SEC23B: variants seen among roughly 807,000 people sequenced by gnomAD.
SEC23B encodes the protein protein transport protein Sec23B.
In SEC23B, 77 loss-of-function variants were observed where a neutral mutation model predicts 104.3. The observed-to-expected ratio is 0.74, with a 90% CI of 0.61 to 0.89. The LOEUF is 0.89. Among genes scored for constraint, SEC23B ranks in the 40% least tolerant of loss-of-function variants. The probability of loss-of-function intolerance (pLI) is 0.00; values close to 1 mark genes in which losing one functional copy is unlikely to be tolerated. For missense variants in SEC23B, 885 were observed against 949.4 expected (o/e 0.93, Z 0.89); for synonymous variants, 338 against 332.5 (o/e 1.02, Z -0.18).
rs531282891 is a variant in SEC23B, at chr20:18,537,304, G to A, written c.1404+1562G>A. Among the ~76,000 whole-genome samples, 22 of 152,040 alleles carry A rather than the reference G, an allele frequency of 1.4e-4. No homozygotes were observed. The South Asian group carries it at 4.2e-3, about 29-fold the overall frequency. On this transcript the variant is annotated intron_variant, in intron 12 of 19. Transcript: ENST00000650089. ...ACACATGCACACGTATGTTTATTGT[G>A]GCTCTATTCACAATAGTAAAGACTT...
intron 12 of SEC23B, among the ~76,000 whole-genome samples, chr20:18,536,890 G>A (rs141109177): frequency 4.1e-4 from 63 of 152,314 alleles, no homozygotes; most frequent in African/African-American, 1.5e-3. Flanking sequence ...GGGAAGGAAA[G>A]TGTATTTACT....
At chr20:18,516,004 A>G (rs1395650742) in intron 4 of SEC23B, 11 of 434,054 alleles carry the variant, frequency 2.5e-5, no homozygotes, top group Admixed American at 7.0e-5. Flanking sequence ...TCCATCATCT[A>G]GTTGTTTAGC....
At chr20:18,525,355 C>T (rs1463096168) in intron 6 of SEC23B, among the ~76,000 whole-genome samples, 1 of 152,136 alleles carries the variant, frequency 6.6e-6, no homozygotes, top group East Asian at 1.9e-4. Flanking sequence ...CTAACAAGCT[C>T]GATAAAATGC....
At chr20:18,512,161 A>G in intron 2 of SEC23B, 64 bp from the exon 3 acceptor site, 1 of 1,055,566 alleles carries the variant, frequency 9.5e-7, no homozygotes. Context: ...TTCTACCTTA[A>G]AAATAAAAAT....
At position 18,515,727 on chromosome 20, in the gene SEC23B, C is replaced by T. The variant is rs142369282; in HGVS notation, c.357C>T (p.Tyr119=). ...TGCCCCAGTTTTCTACAATTGAGTACGTGATACAGGTAATTTCTTTGTTGT... is the reference window on the plus strand; with the variant it reads ...TGCCCCAGTTTTCTACAATTGAGTATGTGATACAGGTAATTTCTTTGTTGT... ...ELMPQFSTIE[Y]VIQRGAQSPL... The change falls in exon 4 of 20, where the codon TAC becomes TAT. Residue 119 remains tyrosine, a synonymous_variant. Coordinates refer to ENST00000650089, the MANE Select transcript of SEC23B (RefSeq NM_006363.6). 12 of 1,584,622 alleles carry T rather than the reference C, an allele frequency of 7.6e-6. No individual in the cohort carries two copies. Among genetic ancestry groups the T allele is most frequent in the African/African-American group, 4.0e-5 (3 of 74,434 alleles).
chr20:18,522,540 G>T (rs1319803890), intron 4 of SEC23B, among the ~76,000 whole-genome samples: 2 of 152,210 alleles, frequency 1.3e-5, no homozygotes, highest in Non-Finnish European at 2.9e-5. Context: ...GGGCTAGTTG[G>T]TCCGAGGACC....
intron 11 of SEC23B, among the ~76,000 whole-genome samples, chr20:18,533,090 C>T (rs904274837): frequency 1.3e-5 from 2 of 152,198 alleles, no homozygotes; most frequent in African/African-American, 2.4e-5. Flanking sequence ...TCAGCACAGT[C>T]CTTCCAGAGT....
At chr20:18,548,516 T>C in intron 15 of SEC23B, 93 bp from the exon 16 acceptor site, 1 of 1,278,898 alleles carries the variant, frequency 7.8e-7, no homozygotes. Context: ...TTCTGGGTTC[T>C]CCTATTTCAG....
chr20:18,551,301 T>A, intron 17 of SEC23B, 126 bp downstream of exon 17: 1 of 633,330 alleles, frequency 1.6e-6, no homozygotes, highest in Non-Finnish European at 2.7e-6. Flanking sequence ...CTTCTCTTAT[T>A]TATTAAGTTA....
intron 12 of SEC23B, among the ~76,000 whole-genome samples, chr20:18,538,695 C>T (rs2060259464): frequency 6.6e-6 from 1 of 152,190 alleles, no homozygotes. Context: ...AATCAATTCT[C>T]TTAAACTTTG....
At chr20:18,517,649 G>A (rs970603015) in intron 4 of SEC23B, among the ~76,000 whole-genome samples, 2 of 152,174 alleles carry the variant, frequency 1.3e-5, no homozygotes, top group African/African-American at 4.8e-5. Flanking sequence ...ATTAATGGGC[G>A]ATGTTTCTCA....
intron 19 of SEC23B, 73 bp from the exon 20 acceptor site, chr20:18,560,578 G>A: frequency 8.7e-7 from 1 of 1,154,236 alleles, no homozygotes; most frequent in Non-Finnish European, 1.3e-6. Flanking sequence ...TCTGAGGGAA[G>A]GTGCTTGACA....
At chr20:18,524,858 G>A in intron 5 of SEC23B, 77 bp from the exon 6 acceptor site, 1 of 1,504,230 alleles carries the variant, frequency 6.6e-7, no homozygotes. Flanking sequence ...ACACCCAGCT[G>A]AGGACATTTC....
chr20:18,526,259 A>G (rs2060133000), intron 7 of SEC23B, 114 bp from the exon 8 acceptor site: 1 of 1,220,188 alleles, frequency 8.2e-7, no homozygotes, highest in Admixed American at 1.9e-5. Flanking sequence ...CATTATCACC[A>G]CTTTTTAGGA....
At chr20:18,520,881 A>C (rs921490153) in intron 4 of SEC23B, among the ~76,000 whole-genome samples, 1 of 151,716 alleles carries the variant, frequency 6.6e-6, no homozygotes, top group Admixed American at 6.6e-5. Flanking sequence ...AGCTGAGAAG[A>C]TCTGGGAAGG....
chr20:18,547,543 C>A (rs538357793), intron 15 of SEC23B, among the ~76,000 whole-genome samples: 2 of 152,204 alleles, frequency 1.3e-5, no homozygotes, highest in East Asian at 3.9e-4. Flanking sequence ...CCTATGGTTG[C>A]AGTGTCATCC....
chr20:18,534,476 G>A (rs1471647637), intron 11 of SEC23B, among the ~76,000 whole-genome samples: 1 of 152,190 alleles, frequency 6.6e-6, no homozygotes, highest in Admixed American at 6.5e-5. Flanking sequence ...TGTACTTTAT[G>A]CTTGTGTCAC....
chr20:18,536,775 G>A (rs114787922), intron 12 of SEC23B, among the ~76,000 whole-genome samples: 1,959 of 152,104 alleles, frequency 0.013, 34 homozygotes, highest in African/African-American at 0.036. Flanking sequence ...GAACCTGACC[G>A]ATAACAGTTG....
Position 18,525,871 on chromosome 20 carries a change from A to C in SEC23B, c.773A>C (p.Gln258Pro). Residue 258 changes from glutamine (Q) to proline (P), a missense_variant, in exon 7 of 20, where the codon CAG becomes CCG. Physicochemically the swap from Gln to Pro is moderately conservative, Grantham distance 76. Coordinates refer to ENST00000650089, the MANE Select transcript of SEC23B (RefSeq NM_006363.6). ...CAGAGGGACCCATGGCCAGTAACTC[A>C]GGGGAAGAGACCTTTGCGATCCACT... ...ELQRDPWPVT[Q>P]GKRPLRSTGV... is the part of the protein sequence containing the mutation. 12 of 1,613,630 alleles carry C rather than the reference A, an allele frequency of 7.4e-6. No individual in the cohort carries two copies. Among genetic ancestry groups the C allele is most frequent in the South Asian group, 1.1e-5 (1 of 91,072 alleles).
Sources: gnomAD v4.1 joint callset for allele counts (sites outside exome capture counted in the v4.1 genomes callset) on GRCh38, gnomAD v4.1.1 for gene constraint, MANE v1.5 for transcripts, NCBI Gene and HGNC (gene_info 2026-07-23, HGNC 2026-07-21) for gene names.